Variants in IL1RAPL2 observed in about 807,000 individuals in gnomAD.
IL1RAPL2 encodes interleukin 1 receptor accessory protein like 2.
Under a neutral mutation model 44.1 loss-of-function variants are expected in IL1RAPL2, and 3 were observed. The ratio of observed to expected loss-of-function variants is 0.07; its 90% CI spans 0.03 to 0.18. The LOEUF (loss-of-function observed/expected upper bound fraction) is 0.18, where lower values mean the gene tolerates loss of function less well. Ranked by LOEUF, IL1RAPL2 falls within the 10% of genes least tolerant of loss-of-function variation. The pLI is 1.00. For missense variants in IL1RAPL2, 391 were observed against 496.4 expected (o/e 0.79, Z 2.02); for synonymous variants, 181 against 178.8 (o/e 1.01, Z -0.10).
At chrX:105,185,026 A>G (rs1386348838) in intron 2 of IL1RAPL2, among the ~76,000 whole-genome samples, 1 of 112,030 alleles carries the variant, frequency 8.9e-6, no homozygotes, top group African/African-American at 3.2e-5. Flanking sequence ...ACACTCTCTT[A>G]GACGTCAGTT....
chrX:104,637,551 A>G (rs1372647968), intron 1 of IL1RAPL2, among the ~76,000 whole-genome samples: 1 of 110,517 alleles, frequency 9.0e-6, no homozygotes, highest in African/African-American at 3.3e-5. Flanking sequence ...AATTTTATCA[A>G]ATGCTTTGTC....
At chrX:104,608,078 A>C (rs1206105252) in intron 1 of IL1RAPL2, among the ~76,000 whole-genome samples, 1 of 111,653 alleles carries the variant, frequency 9.0e-6, no homozygotes, top group Non-Finnish European at 1.9e-5. Context: ...TGTCCTTTGC[A>C]GGGACATTGA....
intron 2 of IL1RAPL2, among the ~76,000 whole-genome samples, chrX:105,195,055 C>T (rs1466022751): frequency 3.6e-5 from 4 of 110,139 alleles, no homozygotes; most frequent in Non-Finnish European, 7.6e-5. Flanking sequence ...ATAAACAATT[C>T]GAGTCACCTA....
At chrX:105,557,044 A>G (rs929502773) in intron 6 of IL1RAPL2, among the ~76,000 whole-genome samples, 2 of 112,156 alleles carry the variant, frequency 1.8e-5, no homozygotes, top group African/African-American at 3.2e-5. Flanking sequence ...TTGATCTCTC[A>G]TATGGAAATA....
At chrX:105,071,903 T>G (rs1009395752) in intron 2 of IL1RAPL2, among the ~76,000 whole-genome samples, 1 of 111,767 alleles carries the variant, frequency 8.9e-6, no homozygotes, top group African/African-American at 3.3e-5. Context: ...GACCTAAAAT[T>G]GTAAAGATAC....
At position 105,323,227 on chromosome X, in the gene IL1RAPL2, T is replaced by A. The variant is rs531994912; in HGVS notation, c.697+55686T>A. On this transcript the variant is annotated intron_variant, in intron 5 of 10. Coordinates refer to ENST00000372582, the MANE Select transcript of IL1RAPL2 (RefSeq NM_017416.2). ...GTTTTATTCAAAATATATCTTTTAG[T>A]GTGTGATTTTCTTTTAAATCAATGA... Among the ~76,000 whole-genome samples, 51 of 112,668 alleles carry A rather than the reference T, an allele frequency of 4.5e-4. 1 individual carries two copies. In the South Asian group the frequency reaches 0.018, roughly 39 times the overall value.
intron 4 of IL1RAPL2, among the ~76,000 whole-genome samples, chrX:105,241,965 A>G (rs2034174351): frequency 8.9e-6 from 1 of 112,296 alleles, no homozygotes; most frequent in Non-Finnish European, 1.9e-5. Context: ...ATTACATGTT[A>G]GAATCTCAAC....
intron 2 of IL1RAPL2, among the ~76,000 whole-genome samples, chrX:104,703,011 C>T (rs1330586944): frequency 1.8e-5 from 2 of 111,073 alleles, no homozygotes; most frequent in African/African-American, 6.5e-5. Context: ...TATGGACAAG[C>T]ATGGCTCCAA....
intron 1 of IL1RAPL2, among the ~76,000 whole-genome samples, chrX:104,580,065 A>G (rs899758902): frequency 9.0e-6 from 1 of 111,696 alleles, no homozygotes; most frequent in African/African-American, 3.3e-5. Flanking sequence ...TACAGCACTT[A>G]GAGCCACAAA....
chrX:105,053,412 G>A (rs1230189218), intron 2 of IL1RAPL2, among the ~76,000 whole-genome samples: 1 of 111,320 alleles, frequency 9.0e-6, no homozygotes, highest in East Asian at 2.8e-4. Context: ...ACCATGCTAT[G>A]GGTGTCACTT....
intron 3 of IL1RAPL2, among the ~76,000 whole-genome samples, chrX:105,230,668 G>A (rs1361299566): frequency 2.7e-5 from 3 of 110,265 alleles, no homozygotes; most frequent in Non-Finnish European, 5.7e-5. Flanking sequence ...GATCTGAACA[G>A]GTCAGGTATA....
chrX:105,355,421 C>CA, intron 5 of IL1RAPL2, among the ~76,000 whole-genome samples: 1 of 111,403 alleles, frequency 9.0e-6, no homozygotes, highest in East Asian at 2.8e-4. Context: ...ACACTGCCTG[C>CA]AATACTCTTC....
chrX:105,516,340 T>C (rs1332507416), intron 6 of IL1RAPL2, among the ~76,000 whole-genome samples: 2 of 112,032 alleles, frequency 1.8e-5, no homozygotes, highest in Non-Finnish European at 3.8e-5. Context: ...TTTTAAAAAG[T>C]CACAGCAAGT....
chrX:105,444,672 A>G (rs1469251683), intron 5 of IL1RAPL2, among the ~76,000 whole-genome samples: 1 of 111,091 alleles, frequency 9.0e-6, no homozygotes, highest in Non-Finnish European at 1.9e-5. Flanking sequence ...AAGTTACAGG[A>G]TACAAGTGCA....
chrX:105,679,990 A>C (rs1247737312), intron 6 of IL1RAPL2, among the ~76,000 whole-genome samples: 1 of 110,579 alleles, frequency 9.0e-6, no homozygotes, highest in Non-Finnish European at 1.9e-5. Flanking sequence ...AATGTGGGTG[A>C]ATTTCTTTCT....
chrX:105,609,519 T>C, intron 6 of IL1RAPL2, among the ~76,000 whole-genome samples: 1 of 112,037 alleles, frequency 8.9e-6, no homozygotes, highest in Middle Eastern at 4.6e-3. Context: ...TATATTTCCA[T>C]CTTTGTTAAG....
intron 2 of IL1RAPL2, among the ~76,000 whole-genome samples, chrX:104,829,135 A>T (rs1193746599): frequency 9.0e-6 from 1 of 111,509 alleles, no homozygotes; most frequent in African/African-American, 3.3e-5. Context: ...CAGGGGAGTG[A>T]ACGTTTCTGT....
intron 5 of IL1RAPL2, chrX:105,405,694 G>C: frequency 1.0e-6 from 1 of 998,694 alleles, no homozygotes; most frequent in Non-Finnish European, 1.4e-6. Flanking sequence ...AGAACGGAAA[G>C]AGTAAGAGAC....
At chrX:104,734,573 A>C (rs1023424042) in intron 2 of IL1RAPL2, among the ~76,000 whole-genome samples, 2 of 112,149 alleles carry the variant, frequency 1.8e-5, no homozygotes, top group Non-Finnish European at 1.9e-5. Flanking sequence ...CATTTTGTTT[A>C]TATGACATTC....
Sources: gnomAD v4.1 joint callset for allele counts (sites outside exome capture counted in the v4.1 genomes callset) on GRCh38, gnomAD v4.1.1 for gene constraint, MANE v1.5 for transcripts, NCBI Gene and HGNC (gene_info 2026-07-23, HGNC 2026-07-21) for gene names.